CTDP1: variants seen among roughly 807,000 people sequenced by gnomAD.
CTDP1 encodes the protein RNA polymerase II subunit A C-terminal domain phosphatase.
CTDP1 carries 47 observed loss-of-function variants against 91.8 expected under a neutral mutation model. The observed-to-expected ratio is 0.51, with a 90% CI of 0.41 to 0.65. The LOEUF (loss-of-function observed/expected upper bound fraction) is 0.65. Ranked by LOEUF, CTDP1 falls within the 30% of genes least tolerant of loss-of-function variation. CTDP1 has a pLI of 0.00. For synonymous variants in CTDP1, 656 were observed against 598.5 expected (o/e 1.10, Z -1.40); for missense variants, 1,272 against 1,373.7 (o/e 0.93, Z 1.17).
At chr18:79,748,250 C>T (rs1471160077) in intron 12 of CTDP1, among the ~76,000 whole-genome samples, 1 of 152,192 alleles carries the variant, frequency 6.6e-6, no homozygotes, top group Admixed American at 6.5e-5. Context: ...ATTTTTAAAT[C>T]CCATGCTCCA....
intron 12 of CTDP1, 133 bp from the exon 13 acceptor site, chr18:79,753,519 G>C (rs1169988028): frequency 3.5e-6 from 5 of 1,417,526 alleles, no homozygotes; most frequent in Non-Finnish European, 4.9e-6. Flanking sequence ...GGTGGCCTGT[G>C]TGTGTCCTTG....
chr18:79,753,846 T>C lies in CTDP1; in HGVS notation c.*56T>C, dbSNP rs2087051307. On this transcript the variant is annotated 3_prime_UTR_variant, in exon 13 of 13. Transcript: ENST00000613122. The stretch of plus-strand genomic sequence containing the variant: ...ACCGACCTCCAGCAGCACTCGGACG[T>C]CCCCGGACCAGCCCTCAGTCTCGGT... 1 of 1,586,488 alleles carries C rather than the reference T, an allele frequency of 6.3e-7. No homozygotes were observed. Among genetic ancestry groups the C allele is most frequent in the East Asian group, 2.3e-5 (1 of 43,572 alleles).
rs140107191 is a variant in CTDP1, at chr18:79,724,649, A to G, written c.2418-4258A>G. Among the ~76,000 whole-genome samples, 41 of 152,314 alleles carry G rather than the reference A, an allele frequency of 2.7e-4. 1 individual carries two copies. The East Asian group carries it at 7.3e-3, about 27-fold the overall frequency. ...AGCAACTTGAGTTTTCATCCTCTAG[A>G]GGGTCTTTGGCAGAGCAAAAGTTAT... On this transcript the variant is annotated intron_variant, in intron 10 of 12. Coordinates refer to ENST00000613122, the MANE Select transcript of CTDP1 (RefSeq NM_004715.5).
At chr18:79,682,106 G>A (rs557615247) in intron 1 of CTDP1, among the ~76,000 whole-genome samples, 1 of 152,296 alleles carries the variant, frequency 6.6e-6, no homozygotes, top group Non-Finnish European at 1.5e-5. Flanking sequence ...TTCCTGCCTC[G>A]CAGTTGCATT....
At chr18:79,716,528 T>C (rs978336009) in intron 8 of CTDP1, among the ~76,000 whole-genome samples, 4 of 152,314 alleles carry the variant, frequency 2.6e-5, no homozygotes, top group Admixed American at 6.5e-5. Context: ...CCTGGCCTCC[T>C]GTGGGCAGTC....
chr18:79,718,009 T>C lies in CTDP1; in HGVS notation c.2410T>C (p.Ser804Pro). Residue 804 changes from serine (S) to proline (P), a missense_variant, in exon 10 of 13, where the codon TCC (serine) becomes CCC (proline). Coordinates refer to ENST00000613122, the MANE Select transcript of CTDP1 (RefSeq NM_004715.5). The part of the protein sequence containing the change: ...SSLPIRQEPS[S>P]FRAVPPPQPQ... ...CCTACCCATCCGCCAGGAGCCCTCTTCCTTCAGGTACGTGGCGGCCCAGCC... is the reference window on the plus strand; with the variant it reads ...CCTACCCATCCGCCAGGAGCCCTCTCCCTTCAGGTACGTGGCGGCCCAGCC... 1 of 1,613,102 alleles carries C rather than the reference T, an allele frequency of 6.2e-7. No homozygotes were observed. Among genetic ancestry groups the C allele is most frequent in the South Asian group, 1.1e-5 (1 of 91,068 alleles).
At chr18:79,728,490 T>C (rs746248253) in intron 10 of CTDP1, among the ~76,000 whole-genome samples, 1 of 152,186 alleles carries the variant, frequency 6.6e-6, no homozygotes, top group Non-Finnish European at 1.5e-5. Flanking sequence ...ATGTTGCATT[T>C]TCTTGTTTTG....
chr18:79,699,342 G>C (rs2085810007), intron 4 of CTDP1, among the ~76,000 whole-genome samples: 1 of 152,094 alleles, frequency 6.6e-6, no homozygotes, highest in African/African-American at 2.4e-5. Context: ...CTCACTGCAA[G>C]CTCTACCTCC....
At chr18:79,712,103 TA>T (rs2122608804) in intron 6 of CTDP1, among the ~76,000 whole-genome samples, 1 of 146,020 alleles carries the variant, frequency 6.8e-6, no homozygotes, top group Non-Finnish European at 1.5e-5. Flanking sequence ...GTGAGTAGAT[TA>T]ATCAGGGCAA....
chr18:79,684,507 C>T (rs906588603), intron 1 of CTDP1, among the ~76,000 whole-genome samples: 1 of 152,078 alleles, frequency 6.6e-6, no homozygotes, highest in Non-Finnish European at 1.5e-5. Flanking sequence ...AGGGTGGGTC[C>T]GTGCCCTCGT....
At chr18:79,738,663 C>G (rs2086715713) in intron 12 of CTDP1, among the ~76,000 whole-genome samples, 1 of 152,188 alleles carries the variant, frequency 6.6e-6, no homozygotes, top group Admixed American at 6.5e-5. Flanking sequence ...AATCCAGTTA[C>G]AAAATTGGGC....
intron 12 of CTDP1, among the ~76,000 whole-genome samples, chr18:79,744,837 CA>C (rs2086848074): frequency 6.6e-6 from 1 of 152,170 alleles, no homozygotes; most frequent in Non-Finnish European, 1.5e-5. Flanking sequence ...CTGGAGGGGC[CA>C]CAGACCAGTC....
intron 12 of CTDP1, among the ~76,000 whole-genome samples, chr18:79,742,445 G>C (rs1194941873): frequency 3.3e-5 from 5 of 152,218 alleles, no homozygotes; most frequent in African/African-American, 7.2e-5. Flanking sequence ...AACAAAGGCA[G>C]GGTTTTCCCA....
chr18:79,704,944 C>T (rs746359427), intron 5 of CTDP1, 27 bp downstream of exon 5: 93 of 1,611,792 alleles, frequency 5.8e-5, no homozygotes, highest in Non-Finnish European at 6.8e-5. Context: ...CCGAAGAGGC[C>T]GTGTGAACAG....
chr18:79,706,316 T>C (rs1369704558), intron 5 of CTDP1, among the ~76,000 whole-genome samples: 1 of 152,174 alleles, frequency 6.6e-6, no homozygotes, highest in Non-Finnish European at 1.5e-5. Context: ...CTGCCCACTG[T>C]GTGGAAATAG....
intron 10 of CTDP1, 112 bp downstream of exon 10, chr18:79,718,128 G>A: frequency 2.4e-6 from 3 of 1,260,374 alleles, no homozygotes; most frequent in East Asian, 2.5e-5. Context: ...GGTGGAGGCT[G>A]CAGACGGTGA....
intron 12 of CTDP1, among the ~76,000 whole-genome samples, chr18:79,741,199 TGTCCCTGA>T (rs1360318027): frequency 3.3e-5 from 5 of 151,018 alleles, no homozygotes; most frequent in Non-Finnish European, 1.5e-5. Context: ...GCGGTTGATC[TGTCCCTGA>T]GTCCCTGAGG....
chr18:79,727,161 G>A (rs1159621479), intron 10 of CTDP1, among the ~76,000 whole-genome samples: 2 of 152,182 alleles, frequency 1.3e-5, no homozygotes, highest in African/African-American at 4.8e-5. Flanking sequence ...CCCAGAGGTG[G>A]GGTGTTTGGC....
intron 11 of CTDP1, among the ~76,000 whole-genome samples, chr18:79,730,969 C>G (rs933752278): frequency 5.3e-5 from 8 of 152,214 alleles, no homozygotes; most frequent in African/African-American, 1.9e-4. Context: ...GGCCTGACAG[C>G]CTCGTCTCAC....
Sources: allele counts gnomAD v4.1 joint callset (sites outside exome capture counted in the v4.1 genomes callset), GRCh38; gene constraint gnomAD v4.1.1; transcripts MANE v1.5; gene names NCBI Gene and HGNC (gene_info 2026-07-23, HGNC 2026-07-21).